ABCC4: variants seen among roughly 807,000 people sequenced by gnomAD.
ABCC4 encodes the protein ATP binding cassette subfamily C member 4 (PEL blood group).
In ABCC4, 102 loss-of-function variants were observed where a neutral mutation model predicts 168.5. The ratio of observed to expected loss-of-function variants is 0.61; its 90% confidence interval spans 0.52 to 0.71. The LOEUF is 0.71. ABCC4 is among the 30% of genes least tolerant of loss of function. The pLI, the probability that ABCC4 is intolerant of heterozygous loss-of-function variation, is 0.00. For synonymous variants in ABCC4, 617 were observed against 590.7 expected (o/e 1.04, Z -0.65); for missense variants, 1,402 against 1,605.8 (o/e 0.87, Z 2.17).
chr13:95,185,787 A>G lies in ABCC4; in HGVS notation c.1545+914T>C, dbSNP rs75027322. 2.6e-5 allele frequency among the ~76,000 whole-genome samples: 4 copies of G among 152,118 alleles called. No individual in the cohort carries two copies. In the East Asian group the frequency reaches 7.7e-4, roughly 29 times the overall value. On this transcript the variant is annotated intron_variant, in intron 11 of 30. Transcript: ENST00000645237. ...TATGCTCAGTTTTCATCAACTATCCACCAGGTTTATGAAAACCTCAGTGTA... is the reference window on the plus strand; with the variant it reads ...TATGCTCAGTTTTCATCAACTATCCGCCAGGTTTATGAAAACCTCAGTGTA...
At chr13:95,058,463 G>A (rs1228788889) in intron 26 of ABCC4, among the ~76,000 whole-genome samples, 1 of 151,138 alleles carries the variant, frequency 6.6e-6, no homozygotes, top group Non-Finnish European at 1.5e-5. Context: ...CAGCTACTCG[G>A]GAGGCAGAGG....
rs2040044387 is a variant in ABCC4, at chr13:95,244,625, G to GAAAGAAAGAAAGAAAGAAAGAA, written c.306+2328_306+2349dup. 4.1e-5 allele frequency among the ~76,000 whole-genome samples: 3 copies of GAAAGAAAGAAAGAAAGAAAGAA among 73,148 alleles called. 1 individual carries two copies. Among genetic ancestry groups the GAAAGAAAGAAAGAAAGAAAGAA allele is most frequent in the African/African-American group, 1.3e-4 (2 of 15,022 alleles). 48.0% of individuals were successfully genotyped at this position (73,148 alleles called of 152,430 possible). A position where few individuals can be genotyped will look rare whatever the true frequency, so the allele number is the denominator to read the frequency against. ...AGAAAGAAAGAAAGAAAGAAAGAAA[G>GAAAGAAAGAAAGAAAGAAAGAA]AAAGAAAGAAAGAAAGAAAGAAAGA... On this transcript the variant is annotated intron_variant, in intron 3 of 30. Coordinates refer to ENST00000645237, the MANE Select transcript of ABCC4 (RefSeq NM_005845.5).
chr13:95,282,690 A>G (rs1048047392), intron 1 of ABCC4, among the ~76,000 whole-genome samples: 2 of 151,678 alleles, frequency 1.3e-5, no homozygotes, highest in Non-Finnish European at 2.9e-5. Flanking sequence ...GCACGCCATC[A>G]TGCCTGGCTA....
chr13:95,147,835 C>A (rs956258133), intron 19 of ABCC4, among the ~76,000 whole-genome samples: 1 of 152,068 alleles, frequency 6.6e-6, no homozygotes, highest in African/African-American at 2.4e-5. Context: ...CGTTTTCAAA[C>A]AAAAAGTAAA....
intron 27 of ABCC4, among the ~76,000 whole-genome samples, chr13:95,046,718 G>A (rs548813023): frequency 1.3e-5 from 2 of 152,058 alleles, no homozygotes; most frequent in South Asian, 4.2e-4. Flanking sequence ...AGCCAAGATC[G>A]CGCCACTGCA....
intron 21 of ABCC4, among the ~76,000 whole-genome samples, chr13:95,080,569 G>C (rs1369709555): frequency 6.6e-6 from 1 of 152,056 alleles, no homozygotes; most frequent in Non-Finnish European, 1.5e-5. Context: ...CACCTCCTGG[G>C]TTCAAGAGAT....
chr13:95,209,276 A>C (rs2389204), intron 6 of ABCC4, among the ~76,000 whole-genome samples, 158 bp downstream of exon 6: 1 of 151,564 alleles, frequency 6.6e-6, no homozygotes, highest in African/African-American at 2.4e-5. Context: ...TGCCTTCAGC[A>C]TAAGGACAGA....
intron 30 of ABCC4, among the ~76,000 whole-genome samples, chr13:95,032,965 CTTTTTTT>C (rs74329595): frequency 1.2e-5 from 1 of 86,238 alleles, no homozygotes; most frequent in African/African-American, 5.1e-5. Context: ...CACGCCTGGT[CTTTTTTT>C]TTTTTTTTTT....
intron 20 of ABCC4, among the ~76,000 whole-genome samples, chr13:95,089,485 A>G (rs1678344): frequency 0.52 from 79,677 of 151,864 alleles, 21,703 homozygotes; most frequent in African/African-American, 0.6. Flanking sequence ...AGGCGTGGTC[A>G]CGGGCACCTG....
intron 29 of ABCC4, chr13:95,043,324 T>C (rs905925579): frequency 2.7e-5 from 5 of 187,840 alleles, no homozygotes; most frequent in African/African-American, 1.2e-4. Context: ...AATCTTTCAT[T>C]AAGGGGATCA....
chr13:95,193,374 C>A (rs998250176), intron 9 of ABCC4, among the ~76,000 whole-genome samples: 3 of 152,210 alleles, frequency 2.0e-5, no homozygotes, highest in Non-Finnish European at 4.4e-5. Context: ...TCAGAAGAGA[C>A]CCTCGCCCTC....
intron 8 of ABCC4, among the ~76,000 whole-genome samples, chr13:95,200,170 C>T (rs2038583173): frequency 6.6e-6 from 1 of 152,194 alleles, no homozygotes; most frequent in Non-Finnish European, 1.5e-5. Context: ...ATCACAGTGC[C>T]AGCTTAAGCT....
chr13:95,148,438 T>C (rs2139501487), intron 19 of ABCC4, among the ~76,000 whole-genome samples: 1 of 152,298 alleles, frequency 6.6e-6, no homozygotes, highest in Non-Finnish European at 1.5e-5. Context: ...TCCTTCCATT[T>C]GCTGGTGGGT....
At chr13:95,071,881 T>A in intron 24 of ABCC4, 28 bp from the exon 25 acceptor site, 2 of 1,431,106 alleles carry the variant, frequency 1.4e-6, no homozygotes, top group Non-Finnish European at 1.8e-6. Flanking sequence ...TCCCGAGGGG[T>A]TAGGAATGGA....
At chr13:95,263,738 A>T (rs1456503440) in intron 1 of ABCC4, among the ~76,000 whole-genome samples, 1 of 151,902 alleles carries the variant, frequency 6.6e-6, no homozygotes, top group African/African-American at 2.4e-5. Context: ...CAGGAGAATC[A>T]CTTGAACCCA....
chr13:95,111,169 T>G (rs2035192151), intron 20 of ABCC4, among the ~76,000 whole-genome samples: 1 of 152,234 alleles, frequency 6.6e-6, no homozygotes, highest in Admixed American at 6.5e-5. Flanking sequence ...GTATTTCAAT[T>G]CTTTATGAAA....
chr13:95,150,493 T>C (rs1376466744), intron 19 of ABCC4, among the ~76,000 whole-genome samples: 1 of 151,592 alleles, frequency 6.6e-6, no homozygotes, highest in African/African-American at 2.4e-5. Context: ...TCCCCCTCCC[T>C]CCCCCTTCCC....
intron 23 of ABCC4, 108 bp downstream of exon 23, chr13:95,074,106 A>T: frequency 1.2e-6 from 1 of 820,686 alleles, no homozygotes; most frequent in Non-Finnish European, 1.9e-6. Flanking sequence ...ACACTTCATT[A>T]GGACCAAACA....
rs1322253010 is a variant in ABCC4 at position 95,075,430 on chromosome 13, A to G, written c.2806+2T>C. ...TGAAACCATTTCCAGAAATAGACAG[A>G]CCTGAATGTAAATCCTGGTGTGCAT... On this transcript the variant is annotated splice_donor_variant, in intron 22 of 30. Coordinates refer to ENST00000645237, the MANE Select transcript of ABCC4 (RefSeq NM_005845.5). LOFTEE classifies it high-confidence loss of function. 1 of 1,614,082 alleles carries G rather than the reference A, an allele frequency of 6.2e-7. No homozygotes were observed. Among genetic ancestry groups the G allele is most frequent in the Non-Finnish European group, 8.5e-7 (1 of 1,179,974 alleles).
Sources: gnomAD v4.1 joint callset for allele counts (sites outside exome capture counted in the v4.1 genomes callset) on GRCh38, gnomAD v4.1.1 for gene constraint, MANE v1.5 for transcripts, NCBI Gene and HGNC (gene_info 2026-07-23, HGNC 2026-07-21) for gene names.